The following ATXN7 variants were observed in gnomAD, a reference collection of about 807,000 sequenced individuals.
ATXN7 encodes ataxin 7.
A neutral mutation model predicts 70.5 loss-of-function variants in ATXN7; 12 were observed. The observed-to-expected ratio is 0.17, with a 90% confidence interval of 0.11 to 0.28. The LOEUF (loss-of-function observed/expected upper bound fraction) is 0.28. ATXN7 is among the 10% of genes least tolerant of loss of function. The pLI, the probability that ATXN7 is intolerant of heterozygous loss-of-function variation, is 1.00. For synonymous variants in ATXN7, 498 were observed against 448.7 expected (o/e 1.11, Z -1.39); for missense variants, 1,256 against 1,131.7 (o/e 1.11, Z -1.58).
At position 63,996,452 on chromosome 3, in the gene ATXN7, A is replaced by G. The variant is rs371304147; in HGVS notation, c.2630A>G (p.Gln877Arg). The change falls in exon 12 of 13, where the codon CAA becomes CGA. Residue 877 changes from glutamine to arginine, a missense_variant. By Grantham distance (43) the Gln-to-Arg change is conservative (BLOSUM62 1). Transcript: ENST00000674280. ...MKHTGTIPGA[Q>R]GLMNSSLLHQ... is the part of the protein sequence containing the mutation. ...CACACAGGCACCATCCCAGGGGCAC[A>G]AGGACTGATGAACAGTTCCCTCCTT... The G allele has an allele frequency of 3.2e-5, 51 of 1,614,064 alleles. No homozygotes were observed. The highest frequency in any genetic ancestry group is 1.5e-4 in the Admixed American group (9 of 60,002).
intron 5 of ATXN7, among the ~76,000 whole-genome samples, chr3:63,966,112 C>T (rs760974067): frequency 2.0e-5 from 3 of 152,106 alleles, no homozygotes; most frequent in African/African-American, 7.2e-5. Context: ...CACTGTATTT[C>T]GTACAATCAC....
chr3:63,892,998 TG>T (rs1350734471), intron 1 of ATXN7, among the ~76,000 whole-genome samples: 1 of 152,050 alleles, frequency 6.6e-6, no homozygotes, highest in Non-Finnish European at 1.5e-5. Flanking sequence ...TGTATTGCAG[TG>T]GAGGGAATGG....
chr3:63,889,551 A>T (rs188940977), intron 1 of ATXN7, among the ~76,000 whole-genome samples: 5 of 152,328 alleles, frequency 3.3e-5, no homozygotes, highest in Non-Finnish European at 5.9e-5. Flanking sequence ...AGAAAAATCA[A>T]ATCTTCAGAT....
chr3:63,973,361 G>C (rs2075344385), intron 5 of ATXN7, among the ~76,000 whole-genome samples: 2 of 152,164 alleles, frequency 1.3e-5, no homozygotes, highest in South Asian at 2.1e-4. Context: ...TTGTGTATTG[G>C]TTGGTGGGTC....
At position 63,996,063 on chromosome 3, in the gene ATXN7, C is replaced by T. The variant is rs907167501; in HGVS notation, c.2241C>T (p.Pro747=). The T allele has an allele frequency of 6.2e-7, 1 of 1,614,194 alleles. No homozygotes were observed. The highest frequency in any genetic ancestry group is 2.2e-5 in the East Asian group (1 of 44,880). ...NCVAHSGPPY[P]STVTSSHSIG... ...TGGCTCACTCTGGGCCTCCCTACCCCTCAACGGTAACATCTTCCCATAGCA... is the reference window on the plus strand; with the variant it reads ...TGGCTCACTCTGGGCCTCCCTACCCTTCAACGGTAACATCTTCCCATAGCA... Residue 747 remains proline, a synonymous_variant, in exon 12 of 13, where the codon CCC becomes CCT. Coordinates refer to ENST00000674280, the MANE Select transcript of ATXN7 (RefSeq NM_001377405.1).
intron 2 of ATXN7, among the ~76,000 whole-genome samples, chr3:63,907,862 T>A (rs1393137815): frequency 6.6e-6 from 1 of 152,196 alleles, no homozygotes; most frequent in Non-Finnish European, 1.5e-5. Context: ...CAGTTTTAAA[T>A]CCCTAGAAAC....
At chr3:63,995,099 AC>A (rs201294013) in intron 11 of ATXN7, among the ~76,000 whole-genome samples, 1,625 of 152,296 alleles carry the variant, frequency 0.011, 10 homozygotes, top group Non-Finnish European at 0.016. Context: ...TAGGACCACA[AC>A]GGTAATTAAG....
chr3:63,928,823 A>G (rs1253213117), intron 4 of ATXN7, among the ~76,000 whole-genome samples: 1 of 152,182 alleles, frequency 6.6e-6, no homozygotes, highest in Admixed American at 6.6e-5. Flanking sequence ...TTATTGGTAA[A>G]TGAGTAAAGC....
chr3:63,875,006 C>T lies in ATXN7; in HGVS notation c.-111+10848C>T, dbSNP rs201988516. 3.6e-4 allele frequency among the ~76,000 whole-genome samples: 55 copies of T among 152,286 alleles called. 1 individual carries two copies. The East Asian group carries it at 7.0e-3, about 19-fold the overall frequency. On this transcript the variant is annotated intron_variant, in intron 1 of 12. Transcript: ENST00000674280. ...GGCAAACAAGCTCCTGGACCTCTTT[C>T]GTAATGGCACTAATCCTATTCATGA...
intron 11 of ATXN7, among the ~76,000 whole-genome samples, chr3:63,994,636 C>G (rs1047749104): frequency 1.3e-5 from 2 of 152,230 alleles, no homozygotes; most frequent in African/African-American, 4.8e-5. Context: ...GGGCAGCAGT[C>G]TAGGCCAGCT....
chr3:63,928,856 G>A (rs1287672394), intron 4 of ATXN7, among the ~76,000 whole-genome samples: 1 of 152,206 alleles, frequency 6.6e-6, no homozygotes, highest in Non-Finnish European at 1.5e-5. Flanking sequence ...CCAGAGAGCA[G>A]TTTAAAATCA....
chr3:63,902,742 G>A (rs1703687248), intron 2 of ATXN7, among the ~76,000 whole-genome samples: 2 of 152,068 alleles, frequency 1.3e-5, no homozygotes, highest in African/African-American at 4.8e-5. Context: ...TCAAGCAAAG[G>A]AAGTGACTTG....
chr3:63,933,127 A>G (rs1380910001), intron 4 of ATXN7, among the ~76,000 whole-genome samples: 1 of 152,210 alleles, frequency 6.6e-6, no homozygotes, highest in Non-Finnish European at 1.5e-5. Context: ...AGTGCCCTCC[A>G]AAAAGGCTCT....
chr3:63,968,681 T>A (rs1478149491), intron 5 of ATXN7, among the ~76,000 whole-genome samples: 2 of 152,140 alleles, frequency 1.3e-5, no homozygotes, highest in Admixed American at 1.3e-4. Flanking sequence ...CCAGAAAAGA[T>A]GATTTTTTTT....
intron 5 of ATXN7, among the ~76,000 whole-genome samples, chr3:63,959,723 TTATG>T (rs935771431): frequency 6.6e-6 from 1 of 152,182 alleles, no homozygotes; most frequent in African/African-American, 2.4e-5. Flanking sequence ...TAAAATAAAG[TTATG>T]TCATTTGTAG....
At chr3:63,900,369 C>A (rs1328671181) in intron 2 of ATXN7, among the ~76,000 whole-genome samples, 2 of 152,200 alleles carry the variant, frequency 1.3e-5, no homozygotes, top group Non-Finnish European at 2.9e-5. Flanking sequence ...GAAACAACTT[C>A]ACAAAAAGTG....
At chr3:63,941,502 A>G (rs1023560902) in intron 4 of ATXN7, among the ~76,000 whole-genome samples, 1 of 151,928 alleles carries the variant, frequency 6.6e-6, no homozygotes, top group African/African-American at 2.4e-5. Context: ...TCATCCTGAA[A>G]CCATTCTCTC....
At chr3:63,912,477 C>T in intron 2 of ATXN7, 111 bp from the exon 3 acceptor site, 3 of 658,506 alleles carry the variant, frequency 4.6e-6, no homozygotes, top group Non-Finnish European at 5.7e-6. Flanking sequence ...GGGGCGCTGT[C>T]AGCGTGCCCC....
At chr3:63,998,441 C>A in intron 12 of ATXN7, 12 of 985,164 alleles carry the variant, frequency 1.2e-5, no homozygotes, top group Non-Finnish European at 1.4e-5. Context: ...TATCTGTGGG[C>A]CATCTTTGGC....
Sources: allele counts gnomAD v4.1 joint callset (sites outside exome capture counted in the v4.1 genomes callset), GRCh38; gene constraint gnomAD v4.1.1; transcripts MANE v1.5; gene names NCBI Gene and HGNC (gene_info 2026-07-23, HGNC 2026-07-21).